Variants in ADAMTS2 observed in about 807,000 individuals in gnomAD.
ADAMTS2 encodes ADAM metallopeptidase with thrombospondin type 1 motif 2, also known as A disintegrin and metalloproteinase with thrombospondin motifs 2.
In ADAMTS2, 50 loss-of-function variants were observed where a neutral mutation model predicts 123.0. That is an observed-to-expected ratio of 0.41 (90% CI 0.32 to 0.51). The LOEUF (loss-of-function observed/expected upper bound fraction) is 0.51. Among genes scored for constraint, ADAMTS2 ranks in the 20% least tolerant of loss-of-function variants. The probability of loss-of-function intolerance (pLI) is 0.35; values close to 1 mark genes in which losing one functional copy is unlikely to be tolerated. For synonymous variants in ADAMTS2, 678 were observed against 695.4 expected, an observed-to-expected ratio of 0.98 and a Z score of 0.39; for missense variants, 1,494 against 1,705.2, an observed-to-expected ratio of 0.88 and a Z score of 2.18.
intron 19 of ADAMTS2, among the ~76,000 whole-genome samples, chr5:179,123,631 G>A (rs1269221303): frequency 6.6e-6 from 1 of 152,150 alleles, no homozygotes; most frequent in East Asian, 1.9e-4. Flanking sequence ...GTTTTGCCAT[G>A]CCGCCCAGGC....
At chr5:179,302,070 T>C (rs1011664242) in intron 2 of ADAMTS2, among the ~76,000 whole-genome samples, 3 of 152,148 alleles carry the variant, frequency 2.0e-5, no homozygotes, top group Non-Finnish European at 4.4e-5. Flanking sequence ...CGCCAGCCTC[T>C]GGCCAGCGTC....
chr5:179,215,681 GC>G (rs754821478), intron 3 of ADAMTS2, among the ~76,000 whole-genome samples: 1 of 152,160 alleles, frequency 6.6e-6, no homozygotes, highest in Non-Finnish European at 1.5e-5. Flanking sequence ...AAACAGATGG[GC>G]AAGTGGTAAC....
chr5:179,271,999 A>G (rs1766549211), intron 3 of ADAMTS2, among the ~76,000 whole-genome samples: 1 of 152,128 alleles, frequency 6.6e-6, no homozygotes, highest in Admixed American at 6.5e-5. Flanking sequence ...CTCCTCACCC[A>G]GGGGTCCTGA....
intron 3 of ADAMTS2, among the ~76,000 whole-genome samples, chr5:179,238,704 G>C (rs1765591602): frequency 6.6e-6 from 1 of 152,182 alleles, no homozygotes; most frequent in South Asian, 2.1e-4. Context: ...AAGGAAAATG[G>C]AGGCCACGGG....
chr5:179,157,383 G>GT (rs1763493665), intron 6 of ADAMTS2, among the ~76,000 whole-genome samples: 1 of 152,176 alleles, frequency 6.6e-6, no homozygotes, highest in Non-Finnish European at 1.5e-5. Context: ...CTCATCACAT[G>GT]GTCAGGGCAA....
At chr5:179,142,066 C>T (rs1433386972) in intron 10 of ADAMTS2, among the ~76,000 whole-genome samples, 2 of 147,054 alleles carry the variant, frequency 1.4e-5, no homozygotes, top group African/African-American at 5.2e-5. Context: ...CTCAGTGGTG[C>T]AGGGGCCTGC....
At chr5:179,206,566 G>T (rs1353089444) in intron 4 of ADAMTS2, among the ~76,000 whole-genome samples, 1 of 152,024 alleles carries the variant, frequency 6.6e-6, no homozygotes, top group Non-Finnish European at 1.5e-5. Context: ...ATACCCCCCT[G>T]CCCCTAGGGC....
chr5:179,234,851 C>T lies in ADAMTS2; in HGVS notation c.689-27136G>A, dbSNP rs149243679. On this transcript the variant is annotated intron_variant, in intron 3 of 21. Transcript: ENST00000251582. This position sits in a 1 kb window ranked among gnomAD's most constrained non-coding sequence, Gnocchi z 4.7. Reference sequence around the variant, plus strand: ...TAGCTCGAGTCCTCACCTGAGCTTGCCCCCATTAAAATCCTCTGTACCTCC... The same window carrying T: ...TAGCTCGAGTCCTCACCTGAGCTTGTCCCCATTAAAATCCTCTGTACCTCC... Among the ~76,000 whole-genome samples, 33 of 152,280 alleles carry T rather than the reference C, an allele frequency of 2.2e-4. No individual in the cohort carries two copies. The highest frequency in any genetic ancestry group is 3.4e-3 in the Middle Eastern group (1 of 294).
At chr5:179,186,952 G>A (rs947303903) in intron 4 of ADAMTS2, among the ~76,000 whole-genome samples, 7 of 151,748 alleles carry the variant, frequency 4.6e-5, no homozygotes, top group African/African-American at 1.7e-4. Context: ...TTCGGAAGCA[G>A]GGCCCAGCCC....
At chr5:179,329,920 A>G (rs1206863107) in intron 2 of ADAMTS2, among the ~76,000 whole-genome samples, 2 of 151,972 alleles carry the variant, frequency 1.3e-5, no homozygotes, top group South Asian at 4.2e-4. Context: ...AGGTCAGGAG[A>G]TCGAGACCAT....
At chr5:179,275,875 C>T (rs1257842521) in intron 2 of ADAMTS2, among the ~76,000 whole-genome samples, 2 of 152,130 alleles carry the variant, frequency 1.3e-5, no homozygotes, top group African/African-American at 2.4e-5. Flanking sequence ...GGTGGGTGGC[C>T]GGCAAAGTGG....
At chr5:179,138,065 G>C in intron 11 of ADAMTS2, 121 bp from the exon 12 acceptor site, 1 of 1,143,852 alleles carries the variant, frequency 8.7e-7, no homozygotes, top group Middle Eastern at 2.2e-4. Flanking sequence ...GGGCAGCTCT[G>C]CTGAGCAAAG....
chr5:179,240,140 G>A (rs1278383921), intron 3 of ADAMTS2, among the ~76,000 whole-genome samples: 2 of 152,206 alleles, frequency 1.3e-5, no homozygotes, highest in Non-Finnish European at 2.9e-5. Context: ...GATGTTGGAG[G>A]TGTTCAGAGG....
chr5:179,339,838 C>T (rs186731441), intron 2 of ADAMTS2, among the ~76,000 whole-genome samples: 146 of 152,390 alleles, frequency 9.6e-4, no homozygotes, highest in African/African-American at 3.3e-3. Flanking sequence ...TCTGCTCTAG[C>T]ACCTGAGCCT....
intron 4 of ADAMTS2, among the ~76,000 whole-genome samples, chr5:179,194,251 C>T (rs1356565775): frequency 1.3e-5 from 2 of 152,042 alleles, no homozygotes; most frequent in Non-Finnish European, 2.9e-5. Context: ...AGGTGAGATC[C>T]ACCCACAAGA....
intron 10 of ADAMTS2, among the ~76,000 whole-genome samples, chr5:179,144,394 A>C (rs1048763879): frequency 6.6e-6 from 1 of 152,220 alleles, no homozygotes; most frequent in Non-Finnish European, 1.5e-5. Context: ...TGCAGACTAG[A>C]ATTTTGCAAA....
chr5:179,166,668 C>T (rs11960126), intron 5 of ADAMTS2, among the ~76,000 whole-genome samples: 39,829 of 152,144 alleles, frequency 0.26, 5,330 homozygotes, highest in African/African-American at 0.31. Flanking sequence ...CTGAGCTGCC[C>T]GCCGGGTCCC....
At chr5:179,211,163 T>TC (rs1454575571) in intron 3 of ADAMTS2, among the ~76,000 whole-genome samples, 1 of 152,166 alleles carries the variant, frequency 6.6e-6, no homozygotes, top group Non-Finnish European at 1.5e-5. Context: ...TCTCCCCTCC[T>TC]CCCCTGGGAG....
At chr5:179,142,314 AGAAGTGTTTCGGAT>A in intron 10 of ADAMTS2, among the ~76,000 whole-genome samples, 1 of 152,334 alleles carries the variant, frequency 6.6e-6, no homozygotes, top group East Asian at 1.9e-4. Context: ...GTTTGGAACC[AGAAGTGTTTCGGAT>A]TTCAGATTTT....
Sources: gnomAD v4.1 joint callset for allele counts (sites outside exome capture counted in the v4.1 genomes callset) on GRCh38, gnomAD v4.1.1 for gene constraint, Gnocchi (gnomAD v3.1) non-coding constraint, MANE v1.5 for transcripts, NCBI Gene and HGNC (gene_info 2026-07-23, HGNC 2026-07-21) for gene names.